TMCO1: variants seen among roughly 807,000 people sequenced by gnomAD.
The protein encoded by TMCO1 is transmembrane and coiled-coil domains 1.
A neutral mutation model predicts 29.3 loss-of-function variants in TMCO1; 29 were observed. The observed-to-expected ratio is 0.99, with a 90% CI of 0.74 to 1.35. The LOEUF is 1.35. Ranked by LOEUF, TMCO1 falls within the 40% of genes most tolerant of loss-of-function variation. The pLI, the probability that TMCO1 is intolerant of heterozygous loss-of-function variation, is 0.00. For missense variants in TMCO1, 173 were observed against 225.5 expected (o/e 0.77, Z 1.49); for synonymous variants, 80 against 77.1 (o/e 1.04, Z -0.20).
At chr1:165,735,099 A>G (rs1329019925) in intron 6 of TMCO1, among the ~76,000 whole-genome samples, 2 of 152,168 alleles carry the variant, frequency 1.3e-5, no homozygotes, top group Non-Finnish European at 2.9e-5. Flanking sequence ...TCTTTGTAAT[A>G]AAGGTCTTTT....
chr1:165,768,795 G>C lies in TMCO1; in HGVS notation c.-44C>G, dbSNP rs200952577. 9 of 1,613,544 alleles carry C rather than the reference G, an allele frequency of 5.6e-6. No individual in the cohort carries two copies. In the African/African-American group the frequency reaches 1.2e-4, roughly 22 times the overall value. On this transcript the variant is annotated 5_prime_UTR_variant, in exon 1 of 7. Coordinates refer to ENST00000367881, the MANE Select transcript of TMCO1 (RefSeq NM_019026.6). ...CACTCTCACCCGCCAGGGGGAAAGC[G>C]CTCTACAGCCAGGAAAAGTGAAGCG...
intron 3 of TMCO1, among the ~76,000 whole-genome samples, chr1:165,755,626 GC>G (rs1571227080): frequency 1.3e-5 from 2 of 152,302 alleles, no homozygotes; most frequent in South Asian, 2.1e-4. Flanking sequence ...CTATACTTCA[GC>G]CTGGGCTGAC....
chr1:165,744,323 G>A (rs1156743987), intron 5 of TMCO1, among the ~76,000 whole-genome samples: 13 of 152,116 alleles, frequency 8.5e-5, no homozygotes, highest in Non-Finnish European at 4.4e-5. Flanking sequence ...GCATATTTTG[G>A]CCCAGTAAAA....
rs7512095 is a variant in TMCO1, at chr1:165,751,986, T to C, written c.323+116A>G. 0.56 allele frequency: 470,912 copies of C among 838,792 alleles called. 135,514 individuals are homozygous for C. Among genetic ancestry groups the C allele is most frequent in the South Asian group, 0.74 (47,342 of 64,178 alleles). The allele number at this position is 838,792 out of a possible 1,614,324, so 52.0% of individuals were successfully genotyped here. The stretch of plus-strand genomic sequence containing the variant: ...AATGGATATACTATTCTTGCAACTT[T>C]TCTTTAAGTTTGAAATTACATCAAA... On this transcript the variant is annotated intron_variant, in intron 5 of 6. Transcript: ENST00000367881.
At chr1:165,745,140 C>T (rs1025788637) in intron 5 of TMCO1, among the ~76,000 whole-genome samples, 7 of 151,734 alleles carry the variant, frequency 4.6e-5, no homozygotes, top group African/African-American at 1.7e-4. Context: ...CCTGCCTCAG[C>T]CTCCCAGGAA....
Position 165,768,688 on chromosome 1 carries a change from C to T in TMCO1, c.64G>A (p.Ala22Thr). ...GAGAAATACCCGCTCTCACCCTCTGCGAGCAGAGCCGTGCACACAGAGATA... is the reference window on the plus strand; with the variant it reads ...GAGAAATACCCGCTCTCACCCTCTGTGAGCAGAGCCGTGCACACAGAGATA... ...VFISVCTALLAEGITWVLVYR... is the reference protein window; with the variant it reads ...VFISVCTALLTEGITWVLVYR... The change falls in exon 1 of 7, where the codon GCA (alanine) becomes ACA (threonine). Residue 22 changes from alanine to threonine, a missense_variant. Coordinates refer to ENST00000367881, the MANE Select transcript of TMCO1 (RefSeq NM_019026.6). 6.2e-7 allele frequency: 1 copy of T among 1,614,148 alleles called. No homozygotes were observed. Among genetic ancestry groups the T allele is most frequent in the Non-Finnish European group, 8.5e-7 (1 of 1,180,022 alleles).
intron 6 of TMCO1, 48 bp from the exon 7 acceptor site, chr1:165,728,169 G>C (rs201918820): frequency 1.4e-5 from 20 of 1,464,852 alleles, no homozygotes; most frequent in Admixed American, 3.4e-5. Context: ...CAAATATACA[G>C]AAGATGTGTT....
intron 6 of TMCO1, among the ~76,000 whole-genome samples, chr1:165,733,668 C>A: frequency 6.6e-6 from 1 of 151,892 alleles, no homozygotes. Context: ...AATAAAGATG[C>A]TATGAAAGAA....
intron 5 of TMCO1, among the ~76,000 whole-genome samples, chr1:165,745,991 A>T (rs1412577555): frequency 1.3e-5 from 2 of 152,158 alleles, no homozygotes; most frequent in Non-Finnish European, 2.9e-5. Flanking sequence ...CATAAAAACA[A>T]AAAAAGAAGG....
At chr1:165,741,485 A>C (rs1648652694) in intron 6 of TMCO1, among the ~76,000 whole-genome samples, 1 of 152,242 alleles carries the variant, frequency 6.6e-6, no homozygotes, top group African/African-American at 2.4e-5. Context: ...AGGCATTCAG[A>C]AATAAGGAAA....
At chr1:165,739,588 C>T (rs1191080260) in intron 6 of TMCO1, among the ~76,000 whole-genome samples, 1 of 152,024 alleles carries the variant, frequency 6.6e-6, no homozygotes, top group African/African-American at 2.4e-5. Flanking sequence ...GGGGTCTCAC[C>T]ATGTTTCCCA....
Position 165,743,182 on chromosome 1 carries a change from A to G in TMCO1, c.453T>C (p.Thr151=), listed in dbSNP as rs1435199331. 6.2e-7 allele frequency: 1 copy of G among 1,614,168 alleles called. No individual in the cohort carries two copies. Among genetic ancestry groups the G allele is most frequent in the African/African-American group, 1.3e-5 (1 of 75,052 alleles). ...CSFIFLYILC[T]MSIRQNIQKI... is the part of the protein sequence containing the mutation. The stretch of plus-strand genomic sequence containing the variant: ...GATCACTCACCTGTCGAATCGACAT[A>G]GTACAGAGAATATACAGGAAAATGA... The change falls in exon 6 of 7, where the codon ACT becomes ACC. Residue 151 remains threonine, a synonymous_variant. Transcript: ENST00000367881.
At chr1:165,765,989 C>A (rs1401039596) in intron 2 of TMCO1, among the ~76,000 whole-genome samples, 1 of 152,146 alleles carries the variant, frequency 6.6e-6, no homozygotes, top group Non-Finnish European at 1.5e-5. Context: ...GTGCTTAGAC[C>A]ACAGTGGTTA....
intron 6 of TMCO1, among the ~76,000 whole-genome samples, chr1:165,731,360 A>G (rs1219380835): frequency 6.6e-6 from 1 of 152,238 alleles, no homozygotes; most frequent in Non-Finnish European, 1.5e-5. Context: ...GCTAGGCATT[A>G]AGGGAAATTG....
downstream of TMCO1, chr1:165,724,548 C>G (rs565088411): frequency 4.4e-6 from 2 of 454,086 alleles, no homozygotes. Context: ...GATGCAAATT[C>G]CCAGACTCCA....
At chr1:165,742,893 T>C (rs1651647455) in intron 6 of TMCO1, among the ~76,000 whole-genome samples, 1 of 152,172 alleles carries the variant, frequency 6.6e-6, no homozygotes, top group Admixed American at 6.5e-5. Context: ...TTTGCAGCTT[T>C]AGGCAGTTGT....
intron 6 of TMCO1, among the ~76,000 whole-genome samples, chr1:165,738,161 C>T (rs1434047812): frequency 2.6e-5 from 4 of 152,086 alleles, no homozygotes; most frequent in Non-Finnish European, 5.9e-5. Flanking sequence ...GGTGTGGTGG[C>T]ATGCACCTGT....
rs1650922986 is a variant in TMCO1, at chr1:165,727,055, C to T, written c.*968G>A. The T allele has an allele frequency of 2.2e-6, 1 of 453,924 alleles. No homozygotes were observed. Among genetic ancestry groups the T allele is most frequent in the African/African-American group, 2.0e-5 (1 of 49,978 alleles). The allele number at this position is 453,924 out of a possible 1,614,324, so 28.1% of individuals were successfully genotyped here. A position where few individuals can be genotyped will look rare whatever the true frequency, so the allele number is the denominator to read the frequency against. ...TATTGATAAGACTCCACACAGGACT[C>T]CTAATTCCATAGATTATGCGGGGAG... is the stretch of plus-strand genomic sequence containing the variant. On this transcript the variant is annotated 3_prime_UTR_variant, in exon 7 of 7. Transcript: ENST00000367881.
intron 4 of TMCO1, 32 bp downstream of exon 4, chr1:165,754,196 G>A (rs375480623): frequency 1.1e-4 from 172 of 1,573,964 alleles, no homozygotes; most frequent in Non-Finnish European, 1.4e-4. Flanking sequence ...ATATTATGTG[G>A]TTAACCATGA....
Sources: gnomAD v4.1 joint callset for allele counts (sites outside exome capture counted in the v4.1 genomes callset) on GRCh38, gnomAD v4.1.1 for gene constraint, MANE v1.5 for transcripts, NCBI Gene and HGNC (gene_info 2026-07-23, HGNC 2026-07-21) for gene names.